SLC2A8: variants seen among roughly 807,000 people sequenced by gnomAD.
SLC2A8 encodes solute carrier family 2 member 8.
In SLC2A8, 53 loss-of-function variants were observed where a neutral mutation model predicts 49.2. The observed-to-expected ratio is 1.08, with a 90% CI of 0.86 to 1.35. The LOEUF (loss-of-function observed/expected upper bound fraction) is 1.35, where lower values mean the gene tolerates loss of function less well. SLC2A8 is among the 40% of genes most tolerant of loss of function. The pLI, the probability that SLC2A8 is intolerant of heterozygous loss-of-function variation, is 0.00. For missense variants in SLC2A8, 688 were observed against 671.7 expected (o/e 1.02, Z -0.27); for synonymous variants, 299 against 297.0 (o/e 1.01, Z -0.07).
In SLC2A8 at chr9:127,403,355, G is replaced by T. The variant is rs144501652; in HGVS notation, c.724-305G>T. 6.0e-3 allele frequency: 2,678 copies of T among 447,910 alleles called. 67 individuals are homozygous for T. The highest frequency in any genetic ancestry group is 0.049 in the African/African-American group (2,510 of 50,882). 27.7% of individuals were successfully genotyped at this position (447,910 alleles called of 1,614,324 possible). On this transcript the variant is annotated intron_variant, in intron 5 of 9. Transcript: ENST00000373371. The stretch of plus-strand genomic sequence containing the variant: ...CTTAGCTAGGGCCAGGCCCAGACCT[G>T]AGGCAGGTGCTGGATGTGTTGGTGG...
intron 9 of SLC2A8, among the ~76,000 whole-genome samples, chr9:127,406,815 A>G (rs1382349499): frequency 6.6e-6 from 1 of 152,222 alleles, no homozygotes; most frequent in Non-Finnish European, 1.5e-5. Context: ...ACAGGAGCCC[A>G]GCTGTCACTG....
Position 127,405,568 on chromosome 9 carries a change from G to A in SLC2A8, c.1296+3G>A, listed in dbSNP as rs1272940894. On this transcript the variant is annotated splice_donor_region_variant and intron_variant, in intron 9 of 9. Coordinates refer to ENST00000373371, the MANE Select transcript of SLC2A8 (RefSeq NM_014580.5). Reference sequence around the variant, plus strand: ...CCAAGGAGTTCAGCAGCCTCATGGTGAGGGCAGGCTCCACCAGCACCGCGT... The same window carrying A: ...CCAAGGAGTTCAGCAGCCTCATGGTAAGGGCAGGCTCCACCAGCACCGCGT... 3.1e-6 allele frequency: 5 copies of A among 1,613,008 alleles called. No homozygotes were observed. In the Admixed American group the frequency reaches 5.0e-5, roughly 16 times the overall value.
Position 127,402,690 on chromosome 9 carries a change from C to A in SLC2A8, c.660C>A (p.Ala220=). The change falls in exon 5 of 10, where the codon GCC becomes GCA. Residue 220 remains alanine, a synonymous_variant. Transcript: ENST00000373371. The stretch of plus-strand genomic sequence containing the variant: ...AGCACAGGCGCCAGGAGGCCATGGC[C>A]GCCCTGCGGTTCCTGTGGGGCTCCG... The part of the protein sequence containing the change: ...LTQHRRQEAM[A]ALRFLWGSEQ... The A allele has an allele frequency of 6.4e-7, 1 of 1,568,424 alleles. No individual in the cohort carries two copies.
In SLC2A8 at chr9:127,397,962, C is replaced by A. The variant is rs555183225; in HGVS notation, c.277C>A (p.Arg93Ser). The change falls in exon 3 of 10, where the codon CGC (arginine) becomes AGC (serine). Residue 93 changes from arginine to serine, a missense_variant. Coordinates refer to ENST00000373371, the MANE Select transcript of SLC2A8 (RefSeq NM_014580.5). The stretch of plus-strand genomic sequence containing the variant: ...AGTGCTGGGCGGCTGGCTGGTGGAC[C>A]GCGCCGGGCGCAAGCTGAGCCTCTT... ...GGVLGGWLVD[R>S]AGRKLSLLLC... The A allele has an allele frequency of 1.4e-5, 22 of 1,535,770 alleles. No individual in the cohort carries two copies. In the East Asian group the frequency reaches 5.1e-4, roughly 36 times the overall value.
At position 127,398,749 on chromosome 9, in the gene SLC2A8, G is replaced by A. The variant is rs1207187084; in HGVS notation, c.426+638G>A. Among the ~76,000 whole-genome samples the A allele has an allele frequency of 3.9e-5, 6 of 152,226 alleles. No individual in the cohort carries two copies. In the East Asian group the frequency reaches 1.2e-3, roughly 29 times the overall value. On this transcript the variant is annotated intron_variant, in intron 3 of 9. Coordinates refer to ENST00000373371, the MANE Select transcript of SLC2A8 (RefSeq NM_014580.5). ...CCTTCTCTGGAAAACAGGGATTATGGCATTAGCCCCTGAGGTAGTGGTCAG... is the reference window on the plus strand; with the variant it reads ...CCTTCTCTGGAAAACAGGGATTATGACATTAGCCCCTGAGGTAGTGGTCAG...
intron 3 of SLC2A8, among the ~76,000 whole-genome samples, chr9:127,398,497 G>A (rs756247099): frequency 4.6e-5 from 7 of 152,168 alleles, no homozygotes; most frequent in Non-Finnish European, 7.3e-5. Context: ...CCTGGCTTCG[G>A]GTCAATGACT....
chr9:127,407,075 T>C, intron 9 of SLC2A8, 37 bp from the exon 10 acceptor site: 1 of 1,609,854 alleles, frequency 6.2e-7, no homozygotes, highest in Non-Finnish European at 8.5e-7. Flanking sequence ...TCCTGATCTC[T>C]CCCCGCGTCC....
intron 2 of SLC2A8, 80 bp downstream of exon 2, chr9:127,397,618 C>G: frequency 1.5e-6 from 2 of 1,357,146 alleles, no homozygotes; most frequent in Non-Finnish European, 1.9e-6. Flanking sequence ...CTCCGCCCCC[C>G]ACCCTTCCCC....
chr9:127,398,944 C>T (rs554964000), intron 3 of SLC2A8, among the ~76,000 whole-genome samples: 34 of 152,304 alleles, frequency 2.2e-4, no homozygotes, highest in African/African-American at 7.9e-4. Context: ...ATTTCACCAA[C>T]GTTTGCTAAC....
rs1232999798 is a variant in SLC2A8, at chr9:127,407,103, T to C, written c.1297-9T>C. ...CCGCGTCCACCCATGGCCTTTCCTC[T>C]CTCTGCAGGAGGTCCTCAGGCCCTA... On this transcript the variant is annotated splice_polypyrimidine_tract_variant and intron_variant, in intron 9 of 9. Transcript: ENST00000373371. The C allele has an allele frequency of 3.1e-6, 5 of 1,612,768 alleles. No homozygotes were observed. In the South Asian group the frequency reaches 4.4e-5, roughly 14 times the overall value.
intron 5 of SLC2A8, 58 bp from the exon 6 acceptor site, chr9:127,403,602 G>T (rs556908235): frequency 6.2e-7 from 1 of 1,606,880 alleles, no homozygotes; most frequent in Non-Finnish European, 8.5e-7. Context: ...ACCCCCAGAG[G>T]GGGGCCGCTT....
Position 127,403,980 on chromosome 9 carries a change from G to A in SLC2A8, c.889G>A (p.Val297Ile), listed in dbSNP as rs753755259. 1.8e-5 allele frequency: 29 copies of A among 1,610,646 alleles called. No individual in the cohort carries two copies. Among genetic ancestry groups the A allele is most frequent in the East Asian group, 4.5e-5 (2 of 44,772 alleles). The change falls in exon 7 of 10, where the codon GTC becomes ATC. Residue 297 changes from valine to isoleucine, a missense_variant. Physicochemically the swap from Val to Ile is conservative, Grantham distance 29. Transcript: ENST00000373371. Reference protein sequence around the residue: ...KFKDSSLASVVVGVIQVLFTA... With the variant: ...KFKDSSLASVIVGVIQVLFTA... The stretch of plus-strand genomic sequence containing the variant: ...CCAGGACAGCAGCCTGGCCTCGGTC[G>A]TCGTGGGTGTCATCCAGGTGCTGTT...
Sources: allele counts gnomAD v4.1 joint callset (sites outside exome capture counted in the v4.1 genomes callset), GRCh38; gene constraint gnomAD v4.1.1; transcripts MANE v1.5; gene names NCBI Gene and HGNC (gene_info 2026-07-23, HGNC 2026-07-21).